The following RORA variants were observed in gnomAD, a reference collection of about 807,000 sequenced individuals.
RORA encodes the protein nuclear receptor ROR-alpha.
Under a neutral mutation model 69.5 loss-of-function variants are expected in RORA, and 7 were observed. The observed-to-expected ratio is 0.10, with a 90% CI of 0.06 to 0.19. The LOEUF (loss-of-function observed/expected upper bound fraction) is 0.19. RORA is among the 10% of genes least tolerant of loss of function. RORA has a pLI of 1.00. For synonymous variants in RORA, 261 were observed against 240.8 expected, an observed-to-expected ratio of 1.08 and a Z score of -0.78; for missense variants, 457 against 663.0, an observed-to-expected ratio of 0.69 and a Z score of 3.41.
chr15:60,912,550 C>T (rs560434569), intron 1 of RORA, among the ~76,000 whole-genome samples: 1 of 152,044 alleles, frequency 6.6e-6, no homozygotes, highest in Non-Finnish European at 1.5e-5. Flanking sequence ...ATCAGGAGAT[C>T]GACACCATCT....
At chr15:61,055,303 T>C (rs1266876505) in intron 1 of RORA, among the ~76,000 whole-genome samples, 3 of 152,190 alleles carry the variant, frequency 2.0e-5, no homozygotes, top group African/African-American at 7.2e-5. Context: ...GAGGGCTGCT[T>C]TTCATTCAGA....
At chr15:60,549,857 A>ACTT (rs2067180611) in intron 2 of RORA, among the ~76,000 whole-genome samples, 1 of 152,234 alleles carries the variant, frequency 6.6e-6, no homozygotes, top group Admixed American at 6.5e-5. Context: ...CCTACTTTTT[A>ACTT]TAAAGGGTCT....
intron 1 of RORA, among the ~76,000 whole-genome samples, chr15:60,699,691 T>C (rs1005919241): frequency 6.6e-6 from 1 of 152,244 alleles, no homozygotes; most frequent in African/African-American, 2.4e-5. Flanking sequence ...AGCACAGTAC[T>C]GTAGCATCTA....
At chr15:60,710,610 G>A (rs1159645099) in intron 1 of RORA, among the ~76,000 whole-genome samples, 2 of 152,232 alleles carry the variant, frequency 1.3e-5, no homozygotes, top group Non-Finnish European at 2.9e-5. Context: ...ATATGTTCAA[G>A]TCTCAACCCA....
intron 1 of RORA, among the ~76,000 whole-genome samples, chr15:60,788,701 A>G (rs1233752273): frequency 6.6e-6 from 1 of 151,726 alleles, no homozygotes; most frequent in Non-Finnish European, 1.5e-5. Context: ...TAAAGAAGGC[A>G]CCCTCCCTGC....
intron 1 of RORA, among the ~76,000 whole-genome samples, chr15:60,974,126 G>C (rs1226854859): frequency 1.3e-5 from 2 of 152,226 alleles, no homozygotes; most frequent in Admixed American, 1.3e-4. Context: ...GCAGACAACA[G>C]AGGAGGAGGG....
At chr15:60,654,679 T>C (rs527650831) in intron 2 of RORA, among the ~76,000 whole-genome samples, 2 of 152,312 alleles carry the variant, frequency 1.3e-5, no homozygotes, top group East Asian at 1.9e-4. Context: ...GTGGGCTCAA[T>C]GTAATCACAG....
chr15:60,734,541 T>C (rs1222421137), intron 1 of RORA, among the ~76,000 whole-genome samples: 1 of 152,212 alleles, frequency 6.6e-6, no homozygotes. Context: ...TTTTTGAGTC[T>C]GTGGAGCTGA....
chr15:60,873,033 G>A (rs957523178), intron 1 of RORA, among the ~76,000 whole-genome samples: 11 of 151,512 alleles, frequency 7.3e-5, no homozygotes, highest in South Asian at 2.1e-4. Flanking sequence ...CTTAGTTTTC[G>A]TTTTTCACAT....
chr15:60,578,266 G>C lies in RORA; in HGVS notation c.197-46415C>G, dbSNP rs564127686. Among the ~76,000 whole-genome samples, 92 of 152,262 alleles carry C rather than the reference G, an allele frequency of 6.0e-4. 1 individual carries two copies. The highest frequency in any genetic ancestry group is 1.3e-3 in the African/African-American group (53 of 41,544). On this transcript the variant is annotated intron_variant, in intron 2 of 10. Transcript: ENST00000335670. ...TTCACTGGGTTTTGTATATCTTCCAGATTTTGACACATTTCATTATTAGAT... is the reference window on the plus strand; with the variant it reads ...TTCACTGGGTTTTGTATATCTTCCACATTTTGACACATTTCATTATTAGAT...
chr15:60,770,545 G>T (rs1235893119), intron 1 of RORA, among the ~76,000 whole-genome samples: 3 of 152,188 alleles, frequency 2.0e-5, no homozygotes, highest in South Asian at 4.1e-4. Flanking sequence ...CTTAGATGGG[G>T]CATAAAATTT....
intron 2 of RORA, among the ~76,000 whole-genome samples, chr15:60,597,577 C>CATATATATATATATATATATATATAT (rs1303140365): frequency 4.0e-5 from 1 of 25,304 alleles, no homozygotes; most frequent in Non-Finnish European, 6.7e-5. Context: ...TATATATACA[C>CATATATATATATATATATATATATAT]ATATATATAT....
At chr15:60,904,355 G>A (rs1044019273) in intron 1 of RORA, among the ~76,000 whole-genome samples, 1 of 152,144 alleles carries the variant, frequency 6.6e-6, no homozygotes, top group Non-Finnish European at 1.5e-5. Context: ...TAGTTGGGGA[G>A]GTGAACTTGA....
chr15:61,045,361 T>C (rs1896970022), intron 1 of RORA, among the ~76,000 whole-genome samples: 2 of 152,316 alleles, frequency 1.3e-5, no homozygotes, highest in Middle Eastern at 3.4e-3. Flanking sequence ...TGTGAGTCAA[T>C]TAAACCTCTT....
chr15:61,179,225 C>T (rs973989821), intron 1 of RORA, among the ~76,000 whole-genome samples: 4 of 152,160 alleles, frequency 2.6e-5, no homozygotes, highest in Non-Finnish European at 5.9e-5. Flanking sequence ...CAGGGGTCGA[C>T]TCTTCCAAGG....
At chr15:61,177,021 T>C (rs1428659474) in intron 1 of RORA, among the ~76,000 whole-genome samples, 2 of 152,146 alleles carry the variant, frequency 1.3e-5, no homozygotes, top group African/African-American at 4.8e-5. Flanking sequence ...GCAAACAGGA[T>C]TGGTTGGCCT....
rs1491564825 is a variant in RORA, at chr15:61,215,031, A to AGTTT, written c.166+14021_166+14022insAAAC. On this transcript the variant is annotated intron_variant, in intron 1 of 10. Transcript: ENST00000335670. ...AGGCGCCCGCCACCACGCCCAGCTA[A>AGTTT]TTTTTTTTTTTTTTTTTTTTTTTTT... 3.7e-5 allele frequency among the ~76,000 whole-genome samples: 3 copies of AGTTT among 80,624 alleles called. 1 individual carries two copies. Among genetic ancestry groups the AGTTT allele is most frequent in the Non-Finnish European group, 2.3e-5 (1 of 43,788 alleles). 52.9% of individuals were successfully genotyped at this position (80,624 alleles called of 152,430 possible).
At chr15:60,810,600 C>A (rs1453900763) in intron 1 of RORA, among the ~76,000 whole-genome samples, 2 of 152,112 alleles carry the variant, frequency 1.3e-5, no homozygotes, top group African/African-American at 2.4e-5. Flanking sequence ...TTTATTACAG[C>A]TCATTATTAT....
intron 2 of RORA, among the ~76,000 whole-genome samples, chr15:60,549,529 A>C (rs930831546): frequency 6.6e-6 from 1 of 152,058 alleles, no homozygotes; most frequent in South Asian, 2.1e-4. Flanking sequence ...CATGTTTGTC[A>C]TACTTCTTAC....
Sources: gnomAD v4.1 joint callset for allele counts (sites outside exome capture counted in the v4.1 genomes callset) on GRCh38, gnomAD v4.1.1 for gene constraint, MANE v1.5 for transcripts, NCBI Gene and HGNC (gene_info 2026-07-23, HGNC 2026-07-21) for gene names.